CTDSPL2: variants seen among roughly 807,000 people sequenced by gnomAD.
CTDSPL2 encodes CTD small phosphatase-like protein 2.
A neutral mutation model predicts 60.0 loss-of-function variants in CTDSPL2; 5 were observed. That is an observed-to-expected ratio of 0.08 (90% CI 0.04 to 0.18). The LOEUF (loss-of-function observed/expected upper bound fraction) is 0.18. Ranked by LOEUF, CTDSPL2 falls within the 10% of genes least tolerant of loss-of-function variation. The pLI, the probability that CTDSPL2 is intolerant of heterozygous loss-of-function variation, is 1.00. For synonymous variants in CTDSPL2, 186 were observed against 189.3 expected (o/e 0.98, Z 0.14); for missense variants, 370 against 548.8 (o/e 0.67, Z 3.26).
chr15:44,522,563 G>C (rs1438041761), intron 12 of CTDSPL2, among the ~76,000 whole-genome samples: 1 of 152,028 alleles, frequency 6.6e-6, no homozygotes, highest in Non-Finnish European at 1.5e-5. Context: ...GACCAGCCTG[G>C]CCAACATGGT....
chr15:44,457,613 C>T lies in CTDSPL2; in HGVS notation c.-24-1378C>T, dbSNP rs192817299. On this transcript the variant is annotated intron_variant, in intron 1 of 12. Transcript: ENST00000260327. ...ACTTTTTTGGTTGGGGGGGGTGGTG[C>T]GGGGTGGGAGAGGGTAGTGATGGAA... 2.1e-3 allele frequency among the ~76,000 whole-genome samples: 255 copies of T among 123,204 alleles called. 2 individuals are homozygous for T. The highest frequency in any genetic ancestry group is 7.5e-3 in the African/African-American group (247 of 32,818). 80.8% of individuals were successfully genotyped at this position (123,204 alleles called of 152,430 possible).
At chr15:44,434,625 C>G (rs970182701) in intron 1 of CTDSPL2, among the ~76,000 whole-genome samples, 1 of 152,176 alleles carries the variant, frequency 6.6e-6, no homozygotes, top group East Asian at 1.9e-4. Context: ...AACTCTTAGT[C>G]TCAAGTGACC....
At chr15:44,466,436 T>C (rs1567075781) in intron 2 of CTDSPL2, among the ~76,000 whole-genome samples, 1 of 152,232 alleles carries the variant, frequency 6.6e-6, no homozygotes, top group Non-Finnish European at 1.5e-5. Flanking sequence ...TAAGATTCAT[T>C]CATATTCATT....
At chr15:44,507,459 C>T (rs1031939399) in intron 8 of CTDSPL2, among the ~76,000 whole-genome samples, 1 of 151,952 alleles carries the variant, frequency 6.6e-6, no homozygotes, top group African/African-American at 2.4e-5. Context: ...CCTATTCATC[C>T]CAAATTTATC....
At chr15:44,451,382 T>C (rs1395901167) in intron 1 of CTDSPL2, among the ~76,000 whole-genome samples, 1 of 152,116 alleles carries the variant, frequency 6.6e-6, no homozygotes, top group Non-Finnish European at 1.5e-5. Context: ...AGCCCTGGGA[T>C]TACAGGTGTG....
At chr15:44,471,983 AAG>A (rs1353180024) in intron 2 of CTDSPL2, among the ~76,000 whole-genome samples, 2 of 151,872 alleles carry the variant, frequency 1.3e-5, no homozygotes, top group African/African-American at 4.8e-5. Context: ...AAAAAAAAAA[AAG>A]AGAAAAAACA....
intron 1 of CTDSPL2, among the ~76,000 whole-genome samples, chr15:44,431,443 A>G (rs1016735187): frequency 6.6e-6 from 1 of 152,246 alleles, no homozygotes; most frequent in African/African-American, 2.4e-5. Flanking sequence ...TTGGACGTGC[A>G]TTACAAATAG....
At chr15:44,483,026 C>T (rs994547928) in intron 2 of CTDSPL2, among the ~76,000 whole-genome samples, 5 of 151,720 alleles carry the variant, frequency 3.3e-5, no homozygotes, top group Admixed American at 2.6e-4. Flanking sequence ...TTTGGGAGGC[C>T]GAGGCAGGCG....
intron 2 of CTDSPL2, among the ~76,000 whole-genome samples, chr15:44,469,131 G>A (rs909431059): frequency 6.6e-6 from 1 of 152,072 alleles, no homozygotes; most frequent in Non-Finnish European, 1.5e-5. Flanking sequence ...TATCATAGGT[G>A]TATATATATG....
intron 8 of CTDSPL2, among the ~76,000 whole-genome samples, chr15:44,508,663 C>T (rs1433181565): frequency 2.0e-5 from 3 of 152,180 alleles, no homozygotes; most frequent in African/African-American, 7.2e-5. Flanking sequence ...TGGCTAGCCC[C>T]TGTAATCCCA....
intron 12 of CTDSPL2, among the ~76,000 whole-genome samples, chr15:44,521,923 G>T (rs1250499110): frequency 9.2e-6 from 1 of 108,144 alleles, no homozygotes; most frequent in African/African-American, 3.7e-5. Flanking sequence ...GGGCGACAGA[G>T]CGAGACTCCG....
chr15:44,487,643 G>A (rs2081144263), intron 4 of CTDSPL2, among the ~76,000 whole-genome samples: 1 of 152,146 alleles, frequency 6.6e-6, no homozygotes, highest in African/African-American at 2.4e-5. Context: ...TTTGAGAGCT[G>A]TTTGTAGTTT....
intron 8 of CTDSPL2, among the ~76,000 whole-genome samples, 194 bp from the exon 9 acceptor site, chr15:44,514,404 C>T (rs867376460): frequency 5.3e-5 from 8 of 152,120 alleles, no homozygotes; most frequent in African/African-American, 1.9e-4. Flanking sequence ...TATTATTATC[C>T]CACCAAAGAG....
rs569093362 is a variant in CTDSPL2 at position 44,515,700 on chromosome 15, G to A, written c.1112+856G>A. Among the ~76,000 whole-genome samples the A allele has an allele frequency of 1.2e-4, 18 of 151,980 alleles. No homozygotes were observed. In the East Asian group the frequency reaches 2.7e-3, roughly 23 times the overall value. ...AGCCTCACCAATATGGAGAAACCCC[G>A]TGTCTCTACTAAAAATACAAAATTT... is the stretch of plus-strand genomic sequence containing the variant. On this transcript the variant is annotated intron_variant, in intron 10 of 12. Transcript: ENST00000260327.
intron 1 of CTDSPL2, among the ~76,000 whole-genome samples, chr15:44,454,014 A>G (rs1266375413): frequency 1.3e-5 from 2 of 152,196 alleles, no homozygotes; most frequent in Non-Finnish European, 2.9e-5. Flanking sequence ...GTCTTCCACA[A>G]TGGTCGAACT....
At chr15:44,517,087 G>C in intron 10 of CTDSPL2, among the ~76,000 whole-genome samples, 1 of 150,782 alleles carries the variant, frequency 6.6e-6, no homozygotes, top group African/African-American at 2.4e-5. Flanking sequence ...ATCCGCCCAC[G>C]TTGGCCTCCC....
At chr15:44,437,942 C>T (rs1281714290) in intron 1 of CTDSPL2, among the ~76,000 whole-genome samples, 1 of 152,256 alleles carries the variant, frequency 6.6e-6, no homozygotes, top group Non-Finnish European at 1.5e-5. Context: ...ACAGTGTGGG[C>T]AGGAAACTAT....
chr15:44,491,857 G>C (rs1048348772), intron 5 of CTDSPL2, among the ~76,000 whole-genome samples: 1 of 151,992 alleles, frequency 6.6e-6, no homozygotes, highest in Non-Finnish European at 1.5e-5. Context: ...GACCAGCCTG[G>C]GCAAAAGAGC....
chr15:44,440,177 T>G (rs1230205123), intron 1 of CTDSPL2, among the ~76,000 whole-genome samples: 1 of 150,100 alleles, frequency 6.7e-6, no homozygotes, highest in African/African-American at 2.5e-5. Context: ...ATAAAGTTGT[T>G]TTTTTGTTTG....
Sources: allele counts gnomAD v4.1 joint callset (sites outside exome capture counted in the v4.1 genomes callset), GRCh38; gene constraint gnomAD v4.1.1; transcripts MANE v1.5; gene names NCBI Gene and HGNC (gene_info 2026-07-23, HGNC 2026-07-21).